Variants in SLC2A11 observed in about 807,000 individuals in gnomAD.
SLC2A11 encodes solute carrier family 2, facilitated glucose transporter member 11.
SLC2A11 carries 43 observed loss-of-function variants against 52.1 expected under a neutral mutation model. The ratio of observed to expected loss-of-function variants is 0.82; its 90% CI spans 0.65 to 1.06. SLC2A11 has a LOEUF of 1.06. SLC2A11 is among the 50% of genes least tolerant of loss of function. The probability of loss-of-function intolerance (pLI) is 0.00; values close to 1 mark genes in which losing one functional copy is unlikely to be tolerated. For synonymous variants in SLC2A11, 261 were observed against 277.6 expected, an observed-to-expected ratio of 0.94 and a Z score of 0.59; for missense variants, 582 against 654.2, an observed-to-expected ratio of 0.89 and a Z score of 1.20.
intron 1 of SLC2A11, 52 bp from the exon 2 acceptor site, chr22:23,862,052 G>C: frequency 6.9e-7 from 1 of 1,454,656 alleles, no homozygotes; most frequent in Non-Finnish European, 9.7e-7. Flanking sequence ...CTGGTCCAGG[G>C]AGGGGGTGGA....
chr22:23,874,965 G>C (rs2032568470), intron 3 of SLC2A11, 152 bp from the exon 4 acceptor site: 2 of 779,618 alleles, frequency 2.6e-6, no homozygotes, highest in Non-Finnish European at 3.6e-6. Context: ...TGACAGCAAG[G>C]ATACCAGGAC....
upstream of SLC2A11, chr22:23,857,081 G>C (rs2031857903): frequency 8.2e-7 from 1 of 1,224,834 alleles, no homozygotes; most frequent in East Asian, 3.0e-5. Flanking sequence ...TGTGGGGGGG[G>C]GGGGGTGTAG....
intron 1 of SLC2A11, chr22:23,858,258 T>A (rs1179356941): frequency 5.7e-6 from 4 of 697,258 alleles, no homozygotes; most frequent in Non-Finnish European, 2.6e-6. Flanking sequence ...GACCCTGGCA[T>A]CCCAGCCCCC....
chr22:23,862,520 C>T (rs1042716659), intron 2 of SLC2A11, among the ~76,000 whole-genome samples: 2 of 152,222 alleles, frequency 1.3e-5, no homozygotes, highest in Admixed American at 6.5e-5. Context: ...CCACTTCTCC[C>T]CATGTTTCCA....
intron 4 of SLC2A11, 38 bp downstream of exon 4, chr22:23,875,279 C>CTATTAATTAATGAATT: frequency 1.5e-6 from 2 of 1,350,532 alleles, no homozygotes; most frequent in Non-Finnish European, 1.9e-6. Context: ...CTCTCTATGC[C>CTATTAATTAATGAATT]TATTAATTAA....
At chr22:23,857,776 C>T (rs1662782695), upstream of SLC2A11, 1 of 1,424,794 alleles carries the variant, frequency 7.0e-7, no homozygotes. Context: ...CGCGAACCCT[C>T]AGCTGGTGCG....
At chr22:23,857,351 G>T, upstream of SLC2A11, 1 of 1,415,178 alleles carries the variant, frequency 7.1e-7, no homozygotes. Context: ...TCGCTTGCTG[G>T]CACTTGCGAG....
In SLC2A11 at chr22:23,884,378, G is replaced by A. The variant is rs955759900; in HGVS notation, c.1248G>A (p.Ala416=). ...ARPAACMVCG[A]LMWIMLILVG... ...CTGCTGCCTGCATGGTCTGCGGGGCGCTCATGTGGATCATGCTCATCCTGG... is the reference window on the plus strand; with the variant it reads ...CTGCTGCCTGCATGGTCTGCGGGGCACTCATGTGGATCATGCTCATCCTGG... Residue 416 remains alanine (A), a synonymous_variant, in exon 11 of 12, where the codon GCG becomes GCA. Transcript: ENST00000316185. This position sits in a 1 kb window ranked among gnomAD's most constrained non-coding sequence, Gnocchi z 4.3. 15 of 1,613,906 alleles carry A rather than the reference G, an allele frequency of 9.3e-6. No individual in the cohort carries two copies. The highest frequency in any genetic ancestry group is 2.2e-5 in the South Asian group (2 of 91,086).
At chr22:23,877,914 A>C (rs762512051) in intron 6 of SLC2A11, 45 bp downstream of exon 6, 86 of 1,574,740 alleles carry the variant, frequency 5.5e-5, no homozygotes, top group Non-Finnish European at 6.5e-5. Context: ...TGACCAAGGG[A>C]TGCATCTCCC....
At chr22:23,879,660 T>G (rs977574140) in intron 6 of SLC2A11, 1 of 151,902 alleles carries the variant, frequency 6.6e-6, no homozygotes, top group Non-Finnish European at 1.5e-5. Context: ...TGTCACTATA[T>G]TGATGCTGAA....
upstream of SLC2A11, chr22:23,857,294 C>A: frequency 1.1e-6 from 1 of 885,524 alleles, no homozygotes; most frequent in South Asian, 1.5e-5. Context: ...GGACGAGGGG[C>A]CAGAGCCGGA....
upstream of SLC2A11, chr22:23,857,532 G>A (rs2031880389): frequency 6.2e-7 from 1 of 1,612,998 alleles, no homozygotes. Flanking sequence ...TCGGACGCAG[G>A]TGAGCTCCCA....
intron 6 of SLC2A11, 136 bp downstream of exon 6, chr22:23,878,005 C>A: frequency 1.9e-6 from 2 of 1,046,252 alleles, no homozygotes; most frequent in East Asian, 2.7e-5. Flanking sequence ...ATTTCATGAT[C>A]TGCCTATACC....
In SLC2A11 at chr22:23,877,064, C is replaced by G; in HGVS notation, c.438C>G (p.Pro146=). Reference sequence around the variant, plus strand: ...CAGGTGTGAGCATGAACATCCAGCCCATGTACCTGGGGGAGAGCGCCCCTA... The same window carrying G: ...CAGGTGTGAGCATGAACATCCAGCCGATGTACCTGGGGGAGAGCGCCCCTA... ...VNAGVSMNIQ[P]MYLGESAPKE... Residue 146 remains proline, a synonymous_variant, in exon 5 of 12, where the codon CCC becomes CCG. Transcript: ENST00000316185. 6.2e-7 allele frequency: 1 copy of G among 1,613,948 alleles called. No homozygotes were observed. The highest frequency in any genetic ancestry group is 8.5e-7 in the Non-Finnish European group (1 of 1,179,962).
At chr22:23,883,621 A>T (rs993831224) in intron 8 of SLC2A11, 151 bp from the exon 9 acceptor site, 3 of 618,000 alleles carry the variant, frequency 4.9e-6, no homozygotes, top group Non-Finnish European at 7.9e-6. Flanking sequence ...TGATTGACCA[A>T]GTTCCTTTGG....
chr22:23,864,796 A>C (rs1465990161), intron 2 of SLC2A11, among the ~76,000 whole-genome samples: 1 of 152,072 alleles, frequency 6.6e-6, no homozygotes, highest in Non-Finnish European at 1.5e-5. Flanking sequence ...AATGGTGTTA[A>C]GTTCTAATTG....
chr22:23,857,058 CAA>C, upstream of SLC2A11: 1 of 1,017,586 alleles, frequency 9.8e-7, no homozygotes, highest in Non-Finnish European at 1.4e-6. Context: ...ATACCTGAAC[CAA>C]AGTGTGTGTG....
At chr22:23,858,208 T>A (rs2146098934) in intron 1 of SLC2A11, 179 bp downstream of exon 1, 1 of 1,013,932 alleles carries the variant, frequency 9.9e-7, no homozygotes, top group Non-Finnish European at 1.5e-6. Flanking sequence ...GGCAGGTGTT[T>A]ACGCCCAGGG....
At chr22:23,857,565 C>T, upstream of SLC2A11, 2 of 1,540,530 alleles carry the variant, frequency 1.3e-6, no homozygotes, top group Non-Finnish European at 1.8e-6. Context: ...AACCCCGCGG[C>T]GGTGACCCCA....
Sources: allele counts gnomAD v4.1 joint callset (sites outside exome capture counted in the v4.1 genomes callset), GRCh38; gene constraint gnomAD v4.1.1; non-coding constraint Gnocchi (gnomAD v3.1); transcripts MANE v1.5; gene names NCBI Gene and HGNC (gene_info 2026-07-23, HGNC 2026-07-21).